Variants in PMS1 observed in about 807,000 individuals in gnomAD.
PMS1 encodes the protein PMS1 protein homolog 1.
A neutral mutation model predicts 93.1 loss-of-function variants in PMS1; 79 were observed. That is an observed-to-expected ratio of 0.85 (90% CI 0.71 to 1.02). The LOEUF (loss-of-function observed/expected upper bound fraction) is 1.02, where lower values mean the gene tolerates loss of function less well. PMS1 is among the 50% of genes least tolerant of loss of function. The pLI is 0.00. For synonymous variants in PMS1, 335 were observed against 363.4 expected (o/e 0.92, Z 0.89); for missense variants, 1,064 against 1,085.3 (o/e 0.98, Z 0.28).
At chr2:189,798,757 A>ATTTTTTTTTTTTTTTTTTT (rs757864750) in intron 3 of PMS1, among the ~76,000 whole-genome samples, 1 of 79,938 alleles carries the variant, frequency 1.3e-5, no homozygotes, top group East Asian at 3.8e-4. Context: ...TAAGTATTTG[A>ATTTTTTTTTTTTTTTTTTT]TTTTTTTTTT....
chr2:189,805,580 T>A, intron 3 of PMS1, 72 bp from the exon 4 acceptor site: 1 of 1,179,056 alleles, frequency 8.5e-7, no homozygotes, highest in South Asian at 1.2e-5. Context: ...GCAATAATCA[T>A]TTCAAATCTT....
rs552658697 is a variant in PMS1 at position 189,859,601 on chromosome 2, T to G, written c.1857-4142T>G. ...GGGGTGACATAACCGCTGTGCTAGG[T>G]CTTTGGCCCTGGAAGTTTCATTTTT... On this transcript the variant is annotated intron_variant, in intron 9 of 12. Transcript: ENST00000441310. 5.9e-5 allele frequency among the ~76,000 whole-genome samples: 9 copies of G among 152,272 alleles called. No homozygotes were observed. The South Asian group carries it at 6.2e-4, about 11-fold the overall frequency.
At chr2:189,851,030 T>C (rs958748228) in intron 6 of PMS1, among the ~76,000 whole-genome samples, 5 of 152,262 alleles carry the variant, frequency 3.3e-5, no homozygotes, top group African/African-American at 1.2e-4. Flanking sequence ...TAAAGTCTTA[T>C]CTAATTTTCA....
At chr2:189,820,934 G>A (rs372975939) in intron 5 of PMS1, among the ~76,000 whole-genome samples, 10 of 152,066 alleles carry the variant, frequency 6.6e-5, no homozygotes, top group African/African-American at 2.4e-4. Context: ...ATGATACCTT[G>A]AGATCCTTTC....
At chr2:189,823,097 A>T (rs1168206561) in intron 5 of PMS1, among the ~76,000 whole-genome samples, 1 of 151,924 alleles carries the variant, frequency 6.6e-6, no homozygotes, top group South Asian at 2.1e-4. Context: ...TTTATTTTAC[A>T]TAATTCATGT....
intron 4 of PMS1, among the ~76,000 whole-genome samples, chr2:189,814,180 G>A (rs2051073406): frequency 6.6e-6 from 1 of 152,046 alleles, no homozygotes; most frequent in Admixed American, 6.6e-5. Flanking sequence ...TAGCACCAAA[G>A]TGTTACTAGT....
chr2:189,867,592 A>G (rs2056773185), intron 10 of PMS1, among the ~76,000 whole-genome samples: 1 of 152,216 alleles, frequency 6.6e-6, no homozygotes. Flanking sequence ...AAGACAGATT[A>G]TCTTCTTTCT....
chr2:189,864,408 A>G, intron 10 of PMS1, 180 bp downstream of exon 10: 1 of 561,546 alleles, frequency 1.8e-6, no homozygotes, highest in Non-Finnish European at 3.3e-6. Context: ...CTGTAATCCC[A>G]GCACTTTGGG....
chr2:189,856,511 G>A (rs1163502580), intron 9 of PMS1, among the ~76,000 whole-genome samples: 1 of 152,076 alleles, frequency 6.6e-6, no homozygotes, highest in Non-Finnish European at 1.5e-5. Context: ...GATTTTTAAA[G>A]ATTTGTTTTG....
chr2:189,857,371 C>G, intron 9 of PMS1: 1 of 393,090 alleles, frequency 2.5e-6, no homozygotes, highest in South Asian at 2.1e-5. Context: ...GGACCATGAT[C>G]AGCTGAGTCT....
At chr2:189,855,796 AAATAATATGATG>A (rs2055260735) in intron 9 of PMS1, 1 of 572,478 alleles carries the variant, frequency 1.7e-6, no homozygotes, top group African/African-American at 2.0e-5. Context: ...AAATGTTCCA[AAATAATATGATG>A]AATGTTTTTA....
At chr2:189,792,709 A>ATATATATAT (rs2048988274) in intron 2 of PMS1, among the ~76,000 whole-genome samples, 1 of 143,156 alleles carries the variant, frequency 7.0e-6, no homozygotes, top group African/African-American at 2.5e-5. Context: ...ATATATATAT[A>ATATATATAT]TATATATATA....
rs1205913481 is a variant in PMS1, at chr2:189,864,245, CTTTTTA to C, written c.2342+18_2342+23del. The stretch of plus-strand genomic sequence containing the variant: ...AACAGAGAGGTATGATGATACAATA[CTTTTTA>C]AGAGTAAAAATATTTATTATAATAG... On this transcript the variant is annotated intron_variant, in intron 10 of 12. Coordinates refer to ENST00000441310, the MANE Select transcript of PMS1 (RefSeq NM_000534.5). The C allele has an allele frequency of 2.0e-6, 3 of 1,529,538 alleles. No homozygotes were observed. In the African/African-American group the frequency reaches 4.1e-5, roughly 21 times the overall value. The allele number at this position is 1,529,538 out of a possible 1,614,324, so 94.7% of individuals were successfully genotyped here.
Position 189,795,907 on chromosome 2 carries a change from G to A in PMS1, c.271G>A (p.Gly91Ser), listed in dbSNP as rs370300640. 1.7e-5 allele frequency: 27 copies of A among 1,613,390 alleles called. No homozygotes were observed. Among genetic ancestry groups the A allele is most frequent in the Middle Eastern group, 1.6e-4 (1 of 6,082 alleles). The change falls in exon 3 of 13, where the codon GGT becomes AGT. Residue 91 changes from glycine (G) to serine (S), a missense_variant. Transcript: ENST00000441310. ...HEDLENLTTYGFRGEALGSIC... is the reference protein window; with the variant it reads ...HEDLENLTTYSFRGEALGSIC... ...AGATCTTGAAAATTTGACAACTTACGGTTTTCGTGGAGAAGCCTTGGGGTC... is the reference window on the plus strand; with the variant it reads ...AGATCTTGAAAATTTGACAACTTACAGTTTTCGTGGAGAAGCCTTGGGGTC...
chr2:189,800,362 C>CT (rs1489157568), intron 3 of PMS1, among the ~76,000 whole-genome samples: 1 of 152,014 alleles, frequency 6.6e-6, no homozygotes, highest in Non-Finnish European at 1.5e-5. Flanking sequence ...GCCTGCAGTG[C>CT]TAAGTTCAAT....
intron 6 of PMS1, among the ~76,000 whole-genome samples, chr2:189,846,580 G>C (rs1315762997): frequency 1.3e-5 from 2 of 151,990 alleles, no homozygotes; most frequent in Non-Finnish European, 2.9e-5. Flanking sequence ...TTGGGAGGCT[G>C]AGGTGGGAGG....
At chr2:189,789,334 T>C (rs1342444644) in intron 1 of PMS1, among the ~76,000 whole-genome samples, 1 of 152,194 alleles carries the variant, frequency 6.6e-6, no homozygotes, top group Non-Finnish European at 1.5e-5. Context: ...AGTGATTTGC[T>C]CCATTTTTAT....
chr2:189,853,568 TGCAGTA>T (rs2055006701), intron 7 of PMS1, among the ~76,000 whole-genome samples: 1 of 150,964 alleles, frequency 6.6e-6, no homozygotes, highest in Non-Finnish European at 1.5e-5. Flanking sequence ...CATGCTGGAA[TGCAGTA>T]GCATGATTTC....
chr2:189,859,153 G>A (rs979871058), intron 9 of PMS1, among the ~76,000 whole-genome samples: 3 of 151,934 alleles, frequency 2.0e-5, no homozygotes, highest in South Asian at 2.1e-4. Context: ...ACCATTACTC[G>A]CCCCTTTGTT....
Sources: gnomAD v4.1 joint callset for allele counts (sites outside exome capture counted in the v4.1 genomes callset) on GRCh38, gnomAD v4.1.1 for gene constraint, MANE v1.5 for transcripts, NCBI Gene and HGNC (gene_info 2026-07-23, HGNC 2026-07-21) for gene names.